TMEM135: variants seen among roughly 807,000 people sequenced by gnomAD.
TMEM135 encodes transmembrane protein 135, also known as peroxisomal membrane protein 52.
TMEM135 carries 30 observed loss-of-function variants against 60.3 expected under a neutral mutation model. The observed-to-expected ratio is 0.50, with a 90% confidence interval of 0.37 to 0.68. The LOEUF is 0.68. TMEM135 is among the 30% of genes least tolerant of loss of function. The pLI is 0.00. For missense variants in TMEM135, 468 were observed against 548.8 expected, an observed-to-expected ratio of 0.85 and a Z score of 1.47; for synonymous variants, 190 against 186.7, an observed-to-expected ratio of 1.02 and a Z score of -0.14.
At chr11:87,291,878 C>A (rs770994451) in intron 6 of TMEM135, among the ~76,000 whole-genome samples, 2 of 152,064 alleles carry the variant, frequency 1.3e-5, no homozygotes, top group African/African-American at 2.4e-5. Context: ...ACAGATCTTG[C>A]CACTCCTCTG....
At chr11:87,247,256 G>C (rs1288136399) in intron 6 of TMEM135, among the ~76,000 whole-genome samples, 1 of 152,168 alleles carries the variant, frequency 6.6e-6, no homozygotes, top group Non-Finnish European at 1.5e-5. Flanking sequence ...GTGTCGGTCT[G>C]CCCCTACTGG....
intron 3 of TMEM135, among the ~76,000 whole-genome samples, chr11:87,076,277 T>A (rs1856870648): frequency 6.6e-6 from 1 of 152,224 alleles, no homozygotes; most frequent in Non-Finnish European, 1.5e-5. Context: ...TTCCCTCCCC[T>A]TTCCACAGGC....
At chr11:87,172,580 G>A (rs1939268047) in intron 5 of TMEM135, among the ~76,000 whole-genome samples, 1 of 151,814 alleles carries the variant, frequency 6.6e-6, no homozygotes, top group Non-Finnish European at 1.5e-5. Context: ...GTGAGAGTAG[G>A]GACTCTTTGT....
At chr11:87,095,216 G>T in intron 4 of TMEM135, 1 of 158,084 alleles carries the variant, frequency 6.3e-6, no homozygotes, top group Non-Finnish European at 1.3e-5. Flanking sequence ...TTGTTGAATT[G>T]GGGAAATTCC....
chr11:87,094,520 G>A (rs2513226), intron 4 of TMEM135, among the ~76,000 whole-genome samples: 83,176 of 151,896 alleles, frequency 0.55, 23,556 homozygotes, highest in East Asian at 0.71. Context: ...AATTCCCTCC[G>A]CCTAGTCTTT....
At chr11:87,302,002 A>G (rs117494277) in intron 7 of TMEM135, among the ~76,000 whole-genome samples, 5,506 of 152,256 alleles carry the variant, frequency 0.036, 95 homozygotes, top group Admixed American at 0.046. Context: ...TTTATGACTC[A>G]GTGTCCCAAG....
At chr11:87,062,157 C>T (rs910820752) in intron 1 of TMEM135, among the ~76,000 whole-genome samples, 10 of 151,860 alleles carry the variant, frequency 6.6e-5, no homozygotes, top group Middle Eastern at 3.4e-3. Flanking sequence ...AGGGACACAC[C>T]ACCACGCCTG....
intron 6 of TMEM135, among the ~76,000 whole-genome samples, chr11:87,257,547 T>C (rs1941552633): frequency 6.6e-6 from 1 of 152,174 alleles, no homozygotes; most frequent in African/African-American, 2.4e-5. Flanking sequence ...ACTTACCTCA[T>C]GGGGTTATTG....
chr11:87,197,928 T>C (rs1042908452), intron 5 of TMEM135, among the ~76,000 whole-genome samples: 1 of 151,320 alleles, frequency 6.6e-6, no homozygotes, highest in Non-Finnish European at 1.5e-5. Flanking sequence ...TTATTTTTAG[T>C]TTTTGGATAC....
chr11:87,062,757 C>A (rs774066228), intron 1 of TMEM135, among the ~76,000 whole-genome samples: 9 of 151,936 alleles, frequency 5.9e-5, no homozygotes, highest in African/African-American at 1.9e-4. Flanking sequence ...CCACTGCACT[C>A]GGCCCATTTA....
chr11:87,299,539 A>G (rs917325541), intron 7 of TMEM135, among the ~76,000 whole-genome samples: 2 of 152,220 alleles, frequency 1.3e-5, no homozygotes, highest in African/African-American at 4.8e-5. Flanking sequence ...GCACTCCTCA[A>G]CAAGTGTGAG....
chr11:87,248,470 T>G (rs1941340760), intron 6 of TMEM135, among the ~76,000 whole-genome samples: 1 of 152,240 alleles, frequency 6.6e-6, no homozygotes, highest in Non-Finnish European at 1.5e-5. Context: ...GAGCACCTTC[T>G]TATATACCTG....
At chr11:87,087,902 A>G (rs1857130473) in intron 3 of TMEM135, among the ~76,000 whole-genome samples, 1 of 151,966 alleles carries the variant, frequency 6.6e-6, no homozygotes, top group African/African-American at 2.4e-5. Context: ...ACGCCCAGCT[A>G]ATTTTTTGTA....
intron 5 of TMEM135, among the ~76,000 whole-genome samples, chr11:87,168,031 G>A (rs996903029): frequency 1.3e-5 from 2 of 152,150 alleles, no homozygotes; most frequent in African/African-American, 2.4e-5. Flanking sequence ...TCCTGGTTTA[G>A]TCTTGGGAGG....
intron 4 of TMEM135, among the ~76,000 whole-genome samples, chr11:87,132,971 T>TA (rs1014413791): frequency 6.6e-6 from 1 of 152,252 alleles, no homozygotes; most frequent in Admixed American, 6.5e-5. Flanking sequence ...TTAAGTAACG[T>TA]AAGAGTTACT....
chr11:87,253,079 C>A (rs977990197), intron 6 of TMEM135, among the ~76,000 whole-genome samples: 8 of 151,150 alleles, frequency 5.3e-5, no homozygotes, highest in African/African-American at 2.0e-4. Context: ...CTTATTACAC[C>A]AAGTCACATG....
intron 1 of TMEM135, among the ~76,000 whole-genome samples, chr11:87,058,595 A>G (rs933252823): frequency 2.6e-5 from 4 of 151,852 alleles, no homozygotes; most frequent in African/African-American, 9.7e-5. Context: ...CCTATGATAA[A>G]TTGTTTTTTA....
intron 4 of TMEM135, chr11:87,094,801 C>A: frequency 5.5e-6 from 1 of 183,132 alleles, no homozygotes. Context: ...ATTATTTTCT[C>A]AATATTCTTT....
chr11:87,090,955 A>G (rs906377002), intron 3 of TMEM135, among the ~76,000 whole-genome samples: 1 of 152,058 alleles, frequency 6.6e-6, no homozygotes, highest in South Asian at 2.1e-4. Flanking sequence ...TTATTTTTTC[A>G]TAAATTTTTA....
Sources: allele counts gnomAD v4.1 joint callset (sites outside exome capture counted in the v4.1 genomes callset), GRCh38; gene constraint gnomAD v4.1.1; transcripts MANE v1.5; gene names NCBI Gene and HGNC (gene_info 2026-07-23, HGNC 2026-07-21).